The following CNTN5 variants were observed in gnomAD, a reference collection of about 807,000 sequenced individuals.
CNTN5 encodes the protein contactin-5.
A neutral mutation model predicts 129.1 loss-of-function variants in CNTN5; 77 were observed. The observed-to-expected ratio is 0.60, with a 90% confidence interval of 0.50 to 0.72. CNTN5 has a LOEUF of 0.72. Ranked by LOEUF, CNTN5 falls within the 30% of genes least tolerant of loss-of-function variation. CNTN5 has a pLI of 0.00. For missense variants in CNTN5, 1,478 were observed against 1,328.8 expected (o/e 1.11, Z -1.75); for synonymous variants, 509 against 465.6 (o/e 1.09, Z -1.20).
At chr11:100,127,732 C>T (rs1279045885) in intron 13 of CNTN5, among the ~76,000 whole-genome samples, 5 of 140,924 alleles carry the variant, frequency 3.5e-5, no homozygotes, top group South Asian at 2.2e-4. Context: ...AATCTTGGCT[C>T]ACTGCCACCT....
chr11:99,188,241 T>A (rs559738727), intron 1 of CNTN5, among the ~76,000 whole-genome samples: 1 of 151,916 alleles, frequency 6.6e-6, no homozygotes, highest in East Asian at 1.9e-4. Flanking sequence ...GTGGAATAAA[T>A]AAACATGTAT....
chr11:99,269,374 G>A (rs1863065205), intron 1 of CNTN5, among the ~76,000 whole-genome samples: 1 of 151,164 alleles, frequency 6.6e-6, no homozygotes, highest in Admixed American at 6.6e-5. Flanking sequence ...TCGTGGGGGA[G>A]ATAAACAAAC....
At chr11:99,980,274 C>G (rs918003944) in intron 8 of CNTN5, among the ~76,000 whole-genome samples, 18 of 152,308 alleles carry the variant, frequency 1.2e-4, no homozygotes, top group African/African-American at 4.1e-4. Flanking sequence ...AGCAACAAGA[C>G]TTCATAGATT....
intron 2 of CNTN5, among the ~76,000 whole-genome samples, chr11:99,475,302 C>T (rs76025329): frequency 0.043 from 6,590 of 152,252 alleles, 175 homozygotes; most frequent in South Asian, 0.082. Context: ...AGCACAAAGG[C>T]CCACATCAGA....
At chr11:99,517,274 A>G (rs976801510) in intron 2 of CNTN5, among the ~76,000 whole-genome samples, 3 of 151,908 alleles carry the variant, frequency 2.0e-5, no homozygotes, top group Admixed American at 6.6e-5. Context: ...CCCTTTTTAT[A>G]TTTTCTTTAT....
At chr11:99,381,720 C>T (rs1302424626) in intron 2 of CNTN5, among the ~76,000 whole-genome samples, 1 of 152,124 alleles carries the variant, frequency 6.6e-6, no homozygotes, top group East Asian at 1.9e-4. Context: ...TCTAGGACTC[C>T]TATTATTAAT....
At chr11:100,189,277 A>AC (rs551103182) in intron 13 of CNTN5, among the ~76,000 whole-genome samples, 4 of 151,888 alleles carry the variant, frequency 2.6e-5, no homozygotes, top group Non-Finnish European at 4.4e-5. Flanking sequence ...AAAAAAAAAA[A>AC]AAAAAACCTT....
intron 16 of CNTN5, among the ~76,000 whole-genome samples, chr11:100,242,305 T>A (rs185349669): frequency 6.6e-6 from 1 of 152,316 alleles, no homozygotes; most frequent in East Asian, 1.9e-4. Context: ...TGCCTACCTC[T>A]TCCCCATCCA....
At position 99,891,519 on chromosome 11, in the gene CNTN5, C is replaced by G. The variant is rs548452459; in HGVS notation, c.578-24535C>G. On this transcript the variant is annotated intron_variant, in intron 6 of 24. Coordinates refer to ENST00000524871, the MANE Select transcript of CNTN5 (RefSeq NM_014361.4). ...CAACAGGCCCAGGTATGTAATGTTC[C>G]CCTCTCTGTGTCCATGTGTTCTCAT... Among the ~76,000 whole-genome samples the G allele has an allele frequency of 5.3e-5, 8 of 152,046 alleles. No homozygotes were observed. In the South Asian group the frequency reaches 1.7e-3, roughly 32 times the overall value.
chr11:99,445,780 C>G (rs1223845212), intron 2 of CNTN5, among the ~76,000 whole-genome samples: 2 of 152,024 alleles, frequency 1.3e-5, no homozygotes, highest in Non-Finnish European at 2.9e-5. Context: ...AAGTTCCCCT[C>G]TCTTTTAAAG....
intron 1 of CNTN5, among the ~76,000 whole-genome samples, chr11:99,182,232 A>G (rs956818610): frequency 6.6e-6 from 1 of 152,204 alleles, no homozygotes; most frequent in Non-Finnish European, 1.5e-5. Context: ...TAGTTTGAAA[A>G]TGAGCATTTG....
chr11:99,967,815 C>T (rs1423382130), intron 8 of CNTN5, among the ~76,000 whole-genome samples: 2 of 152,118 alleles, frequency 1.3e-5, no homozygotes, highest in Non-Finnish European at 2.9e-5. Flanking sequence ...TCTTACTTGG[C>T]AATTTTGTAC....
chr11:99,618,449 T>C (rs1225233481), intron 3 of CNTN5, among the ~76,000 whole-genome samples: 1 of 152,196 alleles, frequency 6.6e-6, no homozygotes, highest in Non-Finnish European at 1.5e-5. Flanking sequence ...CACAGTTTCA[T>C]GTACTAAGCT....
chr11:99,897,767 CTA>C (rs1458071541), intron 6 of CNTN5, among the ~76,000 whole-genome samples: 1 of 152,100 alleles, frequency 6.6e-6, no homozygotes, highest in Admixed American at 6.6e-5. Flanking sequence ...GCTAACAACA[CTA>C]TGTCAGGAAT....
At chr11:99,627,574 T>A (rs147258942) in intron 3 of CNTN5, among the ~76,000 whole-genome samples, 37 of 152,224 alleles carry the variant, frequency 2.4e-4, no homozygotes, top group African/African-American at 8.7e-4. Context: ...GTGGGGAATT[T>A]AGAAGAAATA....
At chr11:99,676,418 A>C (rs960902789) in intron 3 of CNTN5, among the ~76,000 whole-genome samples, 1 of 152,192 alleles carries the variant, frequency 6.6e-6, no homozygotes, top group African/African-American at 2.4e-5. Flanking sequence ...AAATAAATAG[A>C]CTACATGCTT....
intron 7 of CNTN5, among the ~76,000 whole-genome samples, chr11:99,935,671 A>G (rs973107934): frequency 1.4e-4 from 21 of 152,036 alleles, no homozygotes; most frequent in African/African-American, 5.1e-4. Flanking sequence ...TCCTTGTGAG[A>G]GAATCAGTAT....
chr11:99,705,006 C>T (rs1954692753), intron 3 of CNTN5, among the ~76,000 whole-genome samples: 1 of 151,286 alleles, frequency 6.6e-6, no homozygotes. Context: ...TGTGAATCTG[C>T]TTTTGGCATT....
intron 1 of CNTN5, among the ~76,000 whole-genome samples, chr11:99,279,702 A>G (rs1194560221): frequency 6.6e-6 from 1 of 151,702 alleles, no homozygotes; most frequent in Non-Finnish European, 1.5e-5. Flanking sequence ...CGTGTTATCT[A>G]GTATTTTTTA....
Sources: gnomAD v4.1 joint callset for allele counts (sites outside exome capture counted in the v4.1 genomes callset) on GRCh38, gnomAD v4.1.1 for gene constraint, MANE v1.5 for transcripts, NCBI Gene and HGNC (gene_info 2026-07-23, HGNC 2026-07-21) for gene names.